Variants in NCEH1 observed in about 807,000 individuals in gnomAD.
The protein encoded by NCEH1 is neutral cholesterol ester hydrolase 1.
Under a neutral mutation model 25.4 loss-of-function variants are expected in NCEH1, and 9 were observed. The observed-to-expected ratio is 0.35, with a 90% CI of 0.21 to 0.62. The LOEUF is 0.62. Ranked by LOEUF, NCEH1 falls within the 20% of genes least tolerant of loss-of-function variation. The probability of loss-of-function intolerance (pLI) is 0.72; values close to 1 mark genes in which losing one functional copy is unlikely to be tolerated. For missense variants in NCEH1, 412 were observed against 501.1 expected, an observed-to-expected ratio of 0.82 and a Z score of 1.70; for synonymous variants, 200 against 199.8, an observed-to-expected ratio of 1.00 and a Z score of -0.01.
intron 1 of NCEH1, among the ~76,000 whole-genome samples, chr3:172,649,562 G>A (rs536364993): frequency 6.6e-6 from 1 of 152,316 alleles, no homozygotes; most frequent in South Asian, 2.1e-4. Flanking sequence ...GTTCACACAT[G>A]TACTGCACAG....
Position 172,634,048 on chromosome 3 carries a change from A to C in NCEH1, c.654T>G (p.Ala218=). The change falls in exon 5 of 5, where the codon GCT becomes GCG. Residue 218 remains alanine (A), a synonymous_variant. Coordinates refer to ENST00000475381, the MANE Select transcript of NCEH1 (RefSeq NM_020792.6). ...AAGCTTGAAGAACTGGATAAATTAAAGCTTGTAGTTTGAGCTTATTTTTTA... is the reference window on the plus strand; with the variant it reads ...AAGCTTGAAGAACTGGATAAATTAACGCTTGTAGTTTGAGCTTATTTTTTA... The part of the protein sequence containing the change: ...ASLKNKLKLQ[A]LIYPVLQALD... 1.2e-6 allele frequency: 2 copies of C among 1,614,108 alleles called. No homozygotes were observed. The highest frequency in any genetic ancestry group is 1.7e-6 in the Non-Finnish European group (2 of 1,180,002).
At chr3:172,675,461 T>C (rs550213614) in intron 1 of NCEH1, among the ~76,000 whole-genome samples, 7 of 151,954 alleles carry the variant, frequency 4.6e-5, no homozygotes, top group Non-Finnish European at 7.4e-5. Context: ...AAAAGGATTT[T>C]GTATGGTAAA....
intron 1 of NCEH1, among the ~76,000 whole-genome samples, chr3:172,656,344 G>A (rs570438543): frequency 6.6e-6 from 1 of 152,280 alleles, no homozygotes; most frequent in Non-Finnish European, 1.5e-5. Flanking sequence ...CATAGGATCT[G>A]GAAAGCAGAT....
chr3:172,645,092 T>A (rs927992413), intron 3 of NCEH1, among the ~76,000 whole-genome samples: 1 of 152,194 alleles, frequency 6.6e-6, no homozygotes, highest in African/African-American at 2.4e-5. Flanking sequence ...TTATTATAAT[T>A]ATTATTCACA....
intron 1 of NCEH1, among the ~76,000 whole-genome samples, chr3:172,701,484 C>G (rs1216652030): frequency 3.5e-5 from 4 of 115,764 alleles, no homozygotes; most frequent in African/African-American, 8.9e-5. Context: ...GAGTCTCCCT[C>G]TATTGCCCAG....
intron 1 of NCEH1, among the ~76,000 whole-genome samples, chr3:172,705,482 A>G (rs1713921194): frequency 6.6e-6 from 1 of 152,236 alleles, no homozygotes; most frequent in Non-Finnish European, 1.5e-5. Flanking sequence ...GAAGGTTGCC[A>G]GGTGGAAGTC....
At chr3:172,639,825 C>T (rs1217331745) in intron 3 of NCEH1, among the ~76,000 whole-genome samples, 1 of 152,118 alleles carries the variant, frequency 6.6e-6, no homozygotes, top group Non-Finnish European at 1.5e-5. Flanking sequence ...TCAAAATGAC[C>T]ATATTCCTGC....
chr3:172,697,023 T>C (rs996432124), intron 1 of NCEH1, among the ~76,000 whole-genome samples: 1 of 151,988 alleles, frequency 6.6e-6, no homozygotes, highest in Non-Finnish European at 1.5e-5. Context: ...CCTCCTGGGT[T>C]CAAGCGATTC....
Position 172,634,107 on chromosome 3 carries a change from G to A in NCEH1, c.610-15C>T. ...TCTTGAGTAAACTAGAGAAGAGGAA[G>A]CAAATACATTATTTCATTTTGCATG... On this transcript the variant is annotated splice_polypyrimidine_tract_variant and intron_variant, in intron 4 of 4. Coordinates refer to ENST00000475381, the MANE Select transcript of NCEH1 (RefSeq NM_020792.6). 3 of 1,603,664 alleles carry A rather than the reference G, an allele frequency of 1.9e-6. No homozygotes were observed. The highest frequency in any genetic ancestry group is 2.6e-6 in the Non-Finnish European group (3 of 1,175,412).
chr3:172,710,785 G>C (rs1714256507), intron 1 of NCEH1, 62 bp downstream of exon 1: 1 of 1,576,844 alleles, frequency 6.3e-7, no homozygotes, highest in Non-Finnish European at 8.7e-7. Flanking sequence ...GAGGAATTTT[G>C]TATCCCCTTC....
chr3:172,694,378 A>ATATATGTGTG (rs1553839159), intron 1 of NCEH1, among the ~76,000 whole-genome samples: 2 of 151,236 alleles, frequency 1.3e-5, no homozygotes, highest in Non-Finnish European at 1.5e-5. Context: ...AGTTATATAT[A>ATATATGTGTG]TGTGTGTGTG....
intron 1 of NCEH1, among the ~76,000 whole-genome samples, chr3:172,662,886 A>G (rs188764294): frequency 0.023 from 3,398 of 146,624 alleles, 128 homozygotes; most frequent in African/African-American, 0.078. Flanking sequence ...CGGTCTATCA[A>G]TTTTGTTGAT....
chr3:172,648,903 T>G (rs1369748553), intron 1 of NCEH1, among the ~76,000 whole-genome samples: 1 of 152,190 alleles, frequency 6.6e-6, no homozygotes, highest in Non-Finnish European at 1.5e-5. Flanking sequence ...AAGACACTTC[T>G]GAGTTTATAT....
chr3:172,697,684 G>C (rs370086322), intron 1 of NCEH1, among the ~76,000 whole-genome samples: 1 of 152,278 alleles, frequency 6.6e-6, no homozygotes, highest in East Asian at 1.9e-4. Context: ...GGAGGGAGAA[G>C]GGGAAGACAG....
At chr3:172,707,769 G>A (rs1373252480) in intron 1 of NCEH1, among the ~76,000 whole-genome samples, 2 of 152,090 alleles carry the variant, frequency 1.3e-5, no homozygotes, top group African/African-American at 2.4e-5. Context: ...TGTATTTTTA[G>A]TAGAGACGAG....
intron 1 of NCEH1, among the ~76,000 whole-genome samples, chr3:172,688,461 T>C (rs1712832055): frequency 6.6e-6 from 1 of 152,178 alleles, no homozygotes; most frequent in African/African-American, 2.4e-5. Context: ...ACAGATTTTA[T>C]TTTCCTTGAT....
At chr3:172,642,231 T>C (rs1716885294) in intron 3 of NCEH1, among the ~76,000 whole-genome samples, 1 of 152,074 alleles carries the variant, frequency 6.6e-6, no homozygotes, top group African/African-American at 2.4e-5. Context: ...TGGAGTGCAG[T>C]GGCGCAATCT....
chr3:172,644,804 C>T (rs942105875), intron 3 of NCEH1, among the ~76,000 whole-genome samples: 3 of 152,140 alleles, frequency 2.0e-5, no homozygotes, highest in Non-Finnish European at 4.4e-5. Context: ...GAAATGTTTG[C>T]CTTTATAAAA....
At position 172,695,672 on chromosome 3, in the gene NCEH1, G is replaced by A. The variant is rs528478761; in HGVS notation, c.138+15175C>T. 4.1e-4 allele frequency among the ~76,000 whole-genome samples: 62 copies of A among 152,156 alleles called. 2 individuals are homozygous for A. The South Asian group carries it at 9.5e-3, about 23-fold the overall frequency. On this transcript the variant is annotated intron_variant, in intron 1 of 4. Coordinates refer to ENST00000475381, the MANE Select transcript of NCEH1 (RefSeq NM_020792.6). ...GAAAAACAAGCTAGCAGCTGGGTGC[G>A]GTGGCTCACGTCTGTAGTCCCAGCA... is the stretch of plus-strand genomic sequence containing the variant.
Sources: allele counts gnomAD v4.1 joint callset (sites outside exome capture counted in the v4.1 genomes callset), GRCh38; gene constraint gnomAD v4.1.1; transcripts MANE v1.5; gene names NCBI Gene and HGNC (gene_info 2026-07-23, HGNC 2026-07-21).